ANO2: variants seen among roughly 807,000 people sequenced by gnomAD.
ANO2 encodes the protein anoctamin 2.
A neutral mutation model predicts 124.2 loss-of-function variants in ANO2; 101 were observed. The ratio of observed to expected loss-of-function variants is 0.81; its 90% CI spans 0.69 to 0.96. ANO2 has a LOEUF of 0.96. Ranked by LOEUF, ANO2 falls within the 40% of genes least tolerant of loss-of-function variation. The pLI is 0.00. For synonymous variants in ANO2, 486 were observed against 482.5 expected, an observed-to-expected ratio of 1.01 and a Z score of -0.09; for missense variants, 1,293 against 1,274.5, an observed-to-expected ratio of 1.01 and a Z score of -0.22.
intron 20 of ANO2, among the ~76,000 whole-genome samples, chr12:5,589,563 T>C (rs1943293503): frequency 6.6e-6 from 1 of 152,178 alleles, no homozygotes; most frequent in Non-Finnish European, 1.5e-5. Context: ...TTACCCAATA[T>C]GTTTTTAGTG....
Position 5,916,875 on chromosome 12 carries a change from G to A in ANO2, c.534+4165C>T, listed in dbSNP as rs552091736. ...TCAGTGATAGTAATGTGCCATGGCT[G>A]AAAAGTAAACTCAACGCTTTACACG... is the stretch of plus-strand genomic sequence containing the variant. On this transcript the variant is annotated intron_variant, in intron 3 of 24. Coordinates refer to ENST00000682330, the MANE Select transcript of ANO2 (RefSeq NM_001364791.2). Among the ~76,000 whole-genome samples the A allele has an allele frequency of 9.2e-5, 14 of 152,288 alleles. No individual in the cohort carries two copies. In the South Asian group the frequency reaches 2.5e-3, roughly 27 times the overall value.
intron 9 of ANO2, among the ~76,000 whole-genome samples, chr12:5,801,104 T>A (rs970031685): frequency 5.9e-5 from 9 of 152,126 alleles, no homozygotes; most frequent in African/African-American, 2.2e-4. Context: ...ATGGGTCAGG[T>A]CAGATGAGCA....
chr12:5,943,057 A>G (rs982208042), intron 1 of ANO2, among the ~76,000 whole-genome samples: 1 of 152,228 alleles, frequency 6.6e-6, no homozygotes, highest in Admixed American at 6.5e-5. Context: ...AACAGTATGG[A>G]GAGTCTTTAA....
At chr12:5,755,393 T>G (rs1480387492) in intron 10 of ANO2, among the ~76,000 whole-genome samples, 1 of 149,800 alleles carries the variant, frequency 6.7e-6, no homozygotes, top group African/African-American at 2.4e-5. Flanking sequence ...TTTATTTTAT[T>G]TATTTATTTA....
chr12:5,628,324 T>A (rs1445016606), intron 16 of ANO2, among the ~76,000 whole-genome samples: 1 of 152,318 alleles, frequency 6.6e-6, no homozygotes, highest in East Asian at 1.9e-4. Context: ...ATACTCGACC[T>A]CTTGTCATTC....
rs944276712 is a variant in ANO2, at chr12:5,578,371, T to C, written c.2381A>G (p.Asp794Gly). 3 of 1,613,616 alleles carry C rather than the reference T, an allele frequency of 1.9e-6. No homozygotes were observed. The highest frequency in any genetic ancestry group is 1.1e-5 in the South Asian group (1 of 91,038). The change falls in exon 21 of 25, where the codon GAT (aspartate) becomes GGT (glycine). Residue 794 changes from aspartate to glycine, a missense_variant. Physicochemically the swap from Asp to Gly is moderately conservative, Grantham distance 94. Transcript: ENST00000682330. ...LRRPDAVRTK[D>G]IGIWFDILSG... ...CCTCTAAGTGGGGCACGTACCGATA[T>C]CTTTGGTTCTTACAGCATCCGGCCG...
chr12:5,675,204 C>T (rs1042812631), intron 14 of ANO2, among the ~76,000 whole-genome samples: 1 of 152,190 alleles, frequency 6.6e-6, no homozygotes, highest in Admixed American at 6.5e-5. Flanking sequence ...GCTCCGTTTC[C>T]ACAGACACAC....
rs34200084 is a variant in ANO2, at chr12:5,923,257, TACACACAC to T, written c.23-461_23-454del. Among the ~76,000 whole-genome samples the T allele has an allele frequency of 2.1e-3, 156 of 74,346 alleles. 3 individuals are homozygous for T. Among genetic ancestry groups the T allele is most frequent in the African/African-American group, 5.2e-3 (130 of 25,076 alleles). 48.8% of individuals were successfully genotyped at this position (74,346 alleles called of 152,430 possible). On this transcript the variant is annotated intron_variant, in intron 1 of 24. Transcript: ENST00000682330. The stretch of plus-strand genomic sequence containing the variant: ...ACATACACACACGCATACACACACA[TACACACAC>T]ACACACACACACACGCACACACACA...
chr12:5,783,347 G>A (rs1952456028), intron 10 of ANO2, among the ~76,000 whole-genome samples: 1 of 152,170 alleles, frequency 6.6e-6, no homozygotes, highest in South Asian at 2.1e-4. Context: ...AATCTGGTAG[G>A]TATGCCTCCT....
rs71445659 is a variant in ANO2 at position 5,635,599 on chromosome 12, T to TCTCACA, written c.1621-253_1621-252insTGTGAG. On this transcript the variant is annotated intron_variant, in intron 15 of 24. Transcript: ENST00000682330. This position sits in a 1 kb window ranked among gnomAD's most constrained non-coding sequence, Gnocchi z 5.2. ...TTTTTGTCAGATTCCAAATGATTTA[T>TCTCACA]CACACACACACACACACACACACAC... Among the ~76,000 whole-genome samples, 5 of 146,906 alleles carry TCTCACA rather than the reference T, an allele frequency of 3.4e-5. No homozygotes were observed. Among genetic ancestry groups the TCTCACA allele is most frequent in the Middle Eastern group, 3.5e-3 (1 of 286 alleles).
intron 12 of ANO2, chr12:5,741,172 G>A (rs1176907665): frequency 6.6e-6 from 1 of 152,244 alleles, no homozygotes. Flanking sequence ...GACACTTCAT[G>A]TTTGTGATGT....
At chr12:5,571,900 C>T (rs910995387) in intron 23 of ANO2, among the ~76,000 whole-genome samples, 6 of 152,278 alleles carry the variant, frequency 3.9e-5, no homozygotes, top group African/African-American at 1.4e-4. Context: ...CATCAACAAC[C>T]CTTATCAATC....
Position 5,782,201 on chromosome 12 carries a change from A to G in ANO2, c.1055+17306T>C, listed in dbSNP as rs570433596. Among the ~76,000 whole-genome samples, 5 of 152,328 alleles carry G rather than the reference A, an allele frequency of 3.3e-5. No individual in the cohort carries two copies. In the East Asian group the frequency reaches 9.6e-4, roughly 29 times the overall value. On this transcript the variant is annotated intron_variant, in intron 10 of 24. Transcript: ENST00000682330. ...CTTTGTCAATATAAATATTATCCAT[A>G]TGTCTGATAATATTCTTTTCCCAGA... is the stretch of plus-strand genomic sequence containing the variant.
intron 3 of ANO2, among the ~76,000 whole-genome samples, chr12:5,872,467 T>G (rs914317280): frequency 1.3e-5 from 2 of 152,236 alleles, no homozygotes; most frequent in Non-Finnish European, 2.9e-5. Context: ...TGACAGGGGC[T>G]TCGAAGGCTT....
chr12:5,923,493 C>T (rs1941935206), intron 1 of ANO2, among the ~76,000 whole-genome samples: 1 of 152,214 alleles, frequency 6.6e-6, no homozygotes, highest in Admixed American at 6.5e-5. Context: ...CCAGCCCCCA[C>T]CTCCCTCGGG....
chr12:5,823,138 C>T (rs1953859088), intron 7 of ANO2, among the ~76,000 whole-genome samples: 1 of 152,182 alleles, frequency 6.6e-6, no homozygotes, highest in Non-Finnish European at 1.5e-5. Context: ...TCTGGCTCTT[C>T]CAAATCTCAT....
chr12:5,939,316 C>CT (rs1225535398), intron 1 of ANO2, among the ~76,000 whole-genome samples: 1 of 151,246 alleles, frequency 6.6e-6, no homozygotes, highest in Non-Finnish European at 1.5e-5. Context: ...GAAGAGATGA[C>CT]TTTGCCTAGA....
intron 7 of ANO2, among the ~76,000 whole-genome samples, chr12:5,816,150 CTT>C (rs35287420): frequency 2.1e-5 from 3 of 146,282 alleles, no homozygotes; most frequent in Non-Finnish European, 3.0e-5. Flanking sequence ...CTCTCTCTCT[CTT>C]TTTTTTTTTT....
intron 10 of ANO2, among the ~76,000 whole-genome samples, chr12:5,763,562 C>T (rs1951797284): frequency 6.6e-6 from 1 of 151,990 alleles, no homozygotes; most frequent in South Asian, 2.1e-4. Flanking sequence ...GAAACAATCC[C>T]TAAATATTTG....
Sources: allele counts gnomAD v4.1 joint callset (sites outside exome capture counted in the v4.1 genomes callset), GRCh38; gene constraint gnomAD v4.1.1; non-coding constraint Gnocchi (gnomAD v3.1); transcripts MANE v1.5; gene names NCBI Gene and HGNC (gene_info 2026-07-23, HGNC 2026-07-21).